Variants in AGBL2 observed in about 807,000 individuals in gnomAD.
AGBL2 encodes the protein AGBL carboxypeptidase 2.
AGBL2 carries 87 observed loss-of-function variants against 103.0 expected under a neutral mutation model. That is an observed-to-expected ratio of 0.84 (90% CI 0.71 to 1.01). AGBL2 has a LOEUF of 1.01. Among genes scored for constraint, AGBL2 ranks in the 50% least tolerant of loss-of-function variants. AGBL2 has a pLI of 0.00. For synonymous variants in AGBL2, 335 were observed against 356.7 expected (o/e 0.94, Z 0.69); for missense variants, 904 against 1,023.5 (o/e 0.88, Z 1.59).
rs750247007 is a variant in AGBL2 at position 47,690,829 on chromosome 11, C to T, written c.878G>A (p.Arg293Gln). The change falls in exon 10 of 19, where the codon CGA (arginine) becomes CAA (glutamine). Residue 293 changes from arginine (R) to glutamine (Q), a missense_variant. Transcript: ENST00000525123. Reference protein sequence around the residue: ...VDTYEYELTLRTDLYTNKHTQ... With the variant: ...VDTYEYELTLQTDLYTNKHTQ... ...GTGTTTGTTAGTGTAGAGGTCAGTT[C>T]GCAAGGTGAGTTCATACTCATAGGT... 33 of 1,611,898 alleles carry T rather than the reference C, an allele frequency of 2.0e-5. No homozygotes were observed. The East Asian group carries it at 4.7e-4, about 23-fold the overall frequency.
intron 17 of AGBL2, among the ~76,000 whole-genome samples, chr11:47,664,443 G>A (rs543676347): frequency 3.7e-4 from 54 of 147,070 alleles, no homozygotes; most frequent in Admixed American, 1.3e-3. Context: ...ACGGGGTTTC[G>A]CTCTATTGCC....
At chr11:47,690,891 C>T in intron 9 of AGBL2, 33 bp from the exon 10 acceptor site, 1 of 1,535,214 alleles carries the variant, frequency 6.5e-7, no homozygotes, top group South Asian at 1.2e-5. Context: ...ACTCTGTAAG[C>T]TTACACCCTG....
In AGBL2 at chr11:47,699,437, T is replaced by C. The variant is rs777383754; in HGVS notation, c.694+9A>G. The stretch of plus-strand genomic sequence containing the variant: ...ATTAACCATTCATTGTTCAGTGTAA[T>C]GACAATACCTGAATCTAATTGATAG... On this transcript the variant is annotated intron_variant, in intron 8 of 18. Coordinates refer to ENST00000525123, the MANE Select transcript of AGBL2 (RefSeq NM_024783.4). The C allele has an allele frequency of 7.6e-5, 105 of 1,382,648 alleles. 5 individuals carry two copies. In the South Asian group the frequency reaches 1.2e-3, roughly 16 times the overall value. The allele number at this position is 1,382,648 out of a possible 1,614,324, so 85.6% of individuals were successfully genotyped here.
chr11:47,674,248 G>T (rs375949506), intron 14 of AGBL2, among the ~76,000 whole-genome samples: 5 of 151,944 alleles, frequency 3.3e-5, no homozygotes, highest in African/African-American at 1.2e-4. Context: ...TTAGAGTAAT[G>T]TGTGTAGGTC....
intron 4 of AGBL2, 133 bp from the exon 5 acceptor site, chr11:47,706,050 A>ATACTT (rs2097517826): frequency 2.8e-6 from 2 of 714,208 alleles, no homozygotes; most frequent in Non-Finnish European, 5.0e-6. Context: ...TCTTTCTCCC[A>ATACTT]TACTTTAATG....
chr11:47,666,079 C>T (rs2097340505), intron 17 of AGBL2, among the ~76,000 whole-genome samples: 1 of 151,782 alleles, frequency 6.6e-6, no homozygotes, highest in African/African-American at 2.4e-5. Flanking sequence ...GGCCGGACAG[C>T]CTATTTTTTT....
chr11:47,660,744 T>C (rs1394905618), intron 18 of AGBL2, among the ~76,000 whole-genome samples: 4 of 151,822 alleles, frequency 2.6e-5, no homozygotes, highest in Non-Finnish European at 5.9e-5. Context: ...TTAGTAGAGA[T>C]GGGGTTTCGC....
intron 4 of AGBL2, among the ~76,000 whole-genome samples, chr11:47,706,791 G>A (rs1406897887): frequency 1.3e-5 from 2 of 148,654 alleles, no homozygotes; most frequent in African/African-American, 5.0e-5. Flanking sequence ...GCTCACACCT[G>A]TAATCCCAGC....
chr11:47,674,410 A>G (rs936203170), intron 14 of AGBL2, among the ~76,000 whole-genome samples: 4 of 151,812 alleles, frequency 2.6e-5, no homozygotes, highest in Non-Finnish European at 5.9e-5. Context: ...CTACTAAAAT[A>G]CAAAAAATTA....
In AGBL2 at chr11:47,690,704, C is replaced by T. The variant is rs1368233145; in HGVS notation, c.1003G>A (p.Gly335Arg). The change falls in exon 10 of 19, where the codon GGG becomes AGG. Residue 335 changes from glycine (G) to arginine (R), a missense_variant. By Grantham distance (125) the Gly-to-Arg change is moderately radical. Coordinates refer to ENST00000525123, the MANE Select transcript of AGBL2 (RefSeq NM_024783.4). Reference protein sequence around the residue: ...LLKPKSLYTVGMKPLLYSQLD... With the variant: ...LLKPKSLYTVRMKPLLYSQLD... ...TGGGAGTACAAGAGTGGCTTCATCC[C>T]TACAGTATAAAGACTCTTGGGTTTT... The T allele has an allele frequency of 1.9e-6, 3 of 1,614,104 alleles. No individual in the cohort carries two copies. The highest frequency in any genetic ancestry group is 8.5e-7 in the Non-Finnish European group (1 of 1,180,022).
chr11:47,660,065 G>C lies in AGBL2; in HGVS notation c.*108C>G. On this transcript the variant is annotated 3_prime_UTR_variant, in exon 19 of 19. Coordinates refer to ENST00000525123, the MANE Select transcript of AGBL2 (RefSeq NM_024783.4). ...GGTCAGTGCATGAGTGCACAACACA[G>C]TATACCACAAGTAAATGCAGTTCCC... is the stretch of plus-strand genomic sequence containing the variant. The C allele has an allele frequency of 3.2e-6, 4 of 1,268,576 alleles. No homozygotes were observed. The highest frequency in any genetic ancestry group is 4.4e-6 in the Non-Finnish European group (4 of 915,034). The allele number at this position is 1,268,576 out of a possible 1,614,324, so 78.6% of individuals were successfully genotyped here.
intron 12 of AGBL2, among the ~76,000 whole-genome samples, chr11:47,681,721 G>C (rs2097402055): frequency 6.6e-6 from 1 of 152,212 alleles, no homozygotes; most frequent in South Asian, 2.1e-4. Flanking sequence ...GCCTCCCAAA[G>C]TGCTGGGATT....
At chr11:47,683,236 G>A (rs970233504) in intron 11 of AGBL2, among the ~76,000 whole-genome samples, 2 of 151,950 alleles carry the variant, frequency 1.3e-5, no homozygotes, top group African/African-American at 4.8e-5. Context: ...AGCCGGGCAT[G>A]GCAACATGCA....
rs1451661531 is a variant in AGBL2 at position 47,659,937 on chromosome 11, G to A, written c.*236C>T. 1 of 388,944 alleles carries A rather than the reference G, an allele frequency of 2.6e-6. No homozygotes were observed. Among genetic ancestry groups the A allele is most frequent in the African/African-American group, 2.1e-5 (1 of 48,464 alleles). 24.1% of individuals were successfully genotyped at this position (388,944 alleles called of 1,614,324 possible). A position where few individuals can be genotyped will look rare whatever the true frequency, so the allele number is the denominator to read the frequency against. ...AGAACACACTTCAGTTTCTGATAAA[G>A]CATTTTTACACATCATAATAAAATT... is the stretch of plus-strand genomic sequence containing the variant. On this transcript the variant is annotated 3_prime_UTR_variant, in exon 19 of 19. Coordinates refer to ENST00000525123, the MANE Select transcript of AGBL2 (RefSeq NM_024783.4).
intron 12 of AGBL2, 71 bp from the exon 13 acceptor site, chr11:47,680,144 A>G: frequency 1.9e-6 from 2 of 1,063,624 alleles, no homozygotes; most frequent in South Asian, 2.8e-5. Context: ...CTAATTTATG[A>G]TTATCTTTTT....
Position 47,692,114 on chromosome 11 carries a change from T to C in AGBL2, c.837A>G (p.Lys279=). The C allele has an allele frequency of 6.2e-7, 1 of 1,612,038 alleles. No homozygotes were observed. The highest frequency in any genetic ancestry group is 2.2e-5 in the East Asian group (1 of 44,836). ...ESRFESGNLQ[K]AVRVDTYEYE... is the part of the protein sequence containing the mutation. ...AAATTGTTACTCACACTCTGACAGC[T>C]TTTTGCAGATTCCCACTCTCAAACC... Residue 279 remains lysine (K), a synonymous_variant, in exon 9 of 19, where the codon AAA becomes AAG. Transcript: ENST00000525123.
chr11:47,682,156 T>C, intron 11 of AGBL2, 61 bp from the exon 12 acceptor site: 1 of 1,482,390 alleles, frequency 6.7e-7, no homozygotes, highest in South Asian at 1.2e-5. Flanking sequence ...TATCTAAGAT[T>C]CATTAATATG....
rs755474349 is a variant in AGBL2, at chr11:47,667,662, T to A, written c.2249A>T (p.Lys750Ile). 1.2e-6 allele frequency: 2 copies of A among 1,613,052 alleles called. No individual in the cohort carries two copies. The highest frequency in any genetic ancestry group is 1.7e-5 in the Admixed American group (1 of 59,742). Residue 750 changes from lysine to isoleucine, a missense_variant, in exon 16 of 19, where the codon AAA (lysine) becomes ATA (isoleucine). By Grantham distance (102) the Lys-to-Ile change is moderately radical. Coordinates refer to ENST00000525123, the MANE Select transcript of AGBL2 (RefSeq NM_024783.4). Reference sequence around the variant, plus strand: ...TTTCCTAGTCTGAAGTGACTTCTTTTTTTTCTTCTTAAACATCTTCTTTTT... The same window carrying A: ...TTTCCTAGTCTGAAGTGACTTCTTTATTTTCTTCTTAAACATCTTCTTTTT... ...TQKKKMFKKK[K>I]KKSLQTRKQR...
At position 47,668,824 on chromosome 11, in the gene AGBL2, A is replaced by G. The variant is rs778073994; in HGVS notation, c.2214+17T>C. 14 of 1,605,042 alleles carry G rather than the reference A, an allele frequency of 8.7e-6. No homozygotes were observed. The highest frequency in any genetic ancestry group is 1.0e-5 in the Non-Finnish European group (12 of 1,172,240). ...TTTTTAAGGCTGCTATTTCCTGGGTATAAGAGTTCAGCTTACCTCATCTGC... is the reference window on the plus strand; with the variant it reads ...TTTTTAAGGCTGCTATTTCCTGGGTGTAAGAGTTCAGCTTACCTCATCTGC... On this transcript the variant is annotated intron_variant, in intron 15 of 18. Transcript: ENST00000525123.
Sources: allele counts gnomAD v4.1 joint callset (sites outside exome capture counted in the v4.1 genomes callset), GRCh38; gene constraint gnomAD v4.1.1; transcripts MANE v1.5; gene names NCBI Gene and HGNC (gene_info 2026-07-23, HGNC 2026-07-21).